The following PDE1C variants were observed in gnomAD, a reference collection of about 807,000 sequenced individuals.
The protein encoded by PDE1C is dual specificity calcium/calmodulin-dependent 3',5'-cyclic nucleotide phosphodiesterase 1C.
Under a neutral mutation model 93.1 loss-of-function variants are expected in PDE1C, and 62 were observed. That is an observed-to-expected ratio of 0.67 (90% CI 0.54 to 0.82). The LOEUF is 0.82. Among genes scored for constraint, PDE1C ranks in the 40% least tolerant of loss-of-function variants. The pLI is 0.00. For missense variants in PDE1C, 742 were observed against 884.6 expected (o/e 0.84, Z 2.04); for synonymous variants, 325 against 310.1 (o/e 1.05, Z -0.50).
chr7:32,097,534 A>T (rs1797814737), intron 3 of PDE1C, among the ~76,000 whole-genome samples: 1 of 152,218 alleles, frequency 6.6e-6, no homozygotes, highest in African/African-American at 2.4e-5. Context: ...AGGTCAGTAG[A>T]TCACGGCTCC....
At chr7:31,901,994 A>G (rs939495629) in intron 2 of PDE1C, among the ~76,000 whole-genome samples, 3 of 150,866 alleles carry the variant, frequency 2.0e-5, no homozygotes, top group Admixed American at 6.6e-5. Context: ...AATGTAGAAA[A>G]GTAAACTCAT....
At chr7:31,746,098 A>G in the PDE1C span, among the ~76,000 whole-genome samples, 3 of 152,210 alleles carry the variant, frequency 2.0e-5, no homozygotes, top group East Asian at 5.8e-4. Flanking sequence ...CATGTTGGCA[A>G]ACTTGTTCTT....
At chr7:31,830,106 AT>A (rs1790191206) in intron 11 of PDE1C, among the ~76,000 whole-genome samples, 1 of 152,126 alleles carries the variant, frequency 6.6e-6, no homozygotes, top group African/African-American at 2.4e-5. Context: ...CATGCTTTGT[AT>A]TTAATTGAGC....
chr7:32,048,160 T>C (rs959555111), intron 2 of PDE1C, among the ~76,000 whole-genome samples: 1 of 152,156 alleles, frequency 6.6e-6, no homozygotes, highest in Non-Finnish European at 1.5e-5. Context: ...CCAGAGAAGG[T>C]CTCAAGCAAG....
At chr7:32,315,209 A>G (rs1036155328) in intron 1 of PDE1C, among the ~76,000 whole-genome samples, 1 of 151,930 alleles carries the variant, frequency 6.6e-6, no homozygotes, top group Non-Finnish European at 1.5e-5. Context: ...CCAGTGAGTG[A>G]CAGAATAGCC....
chr7:31,964,624 G>A (rs548147896), intron 2 of PDE1C, among the ~76,000 whole-genome samples: 268 of 152,324 alleles, frequency 1.8e-3, no homozygotes, highest in African/African-American at 6.1e-3. Context: ...CTCCCAGCAC[G>A]CAGCTGGAGA....
intron 2 of PDE1C, among the ~76,000 whole-genome samples, chr7:32,006,466 A>G (rs1186920849): frequency 6.6e-6 from 1 of 152,204 alleles, no homozygotes; most frequent in Non-Finnish European, 1.5e-5. Context: ...CACAGGGGAA[A>G]TAAGCCATGG....
chr7:31,667,255 A>G, the PDE1C span, among the ~76,000 whole-genome samples: 1 of 152,184 alleles, frequency 6.6e-6, no homozygotes, highest in Non-Finnish European at 1.5e-5. Context: ...ATCTGAGGTG[A>G]CAGTGAATCT....
intron 2 of PDE1C, among the ~76,000 whole-genome samples, chr7:32,170,809 G>T (rs1267542161): frequency 2.0e-5 from 3 of 148,998 alleles, no homozygotes; most frequent in African/African-American, 7.3e-5. Flanking sequence ...TCCTTCCAGG[G>T]GTGTGCTTTT....
At chr7:31,680,422 G>T in the PDE1C span, among the ~76,000 whole-genome samples, 8 of 152,204 alleles carry the variant, frequency 5.3e-5, no homozygotes, top group Non-Finnish European at 1.0e-4. Flanking sequence ...GTGGAAGAAA[G>T]AATACTGACT....
chr7:32,118,588 G>A (rs1799118645), intron 3 of PDE1C, among the ~76,000 whole-genome samples: 1 of 152,194 alleles, frequency 6.6e-6, no homozygotes, highest in African/African-American at 2.4e-5. Flanking sequence ...CTGTTCTAGT[G>A]GTTGGGAAGC....
the PDE1C span, among the ~76,000 whole-genome samples, chr7:31,725,086 T>C: frequency 5.9e-5 from 9 of 152,120 alleles, no homozygotes; most frequent in South Asian, 1.4e-3. Context: ...CTGGGAAAAG[T>C]GTAAGCCTTG....
intron 15 of PDE1C, 137 bp from the exon 16 acceptor site, chr7:31,809,245 A>G: frequency 1.8e-6 from 1 of 554,558 alleles, no homozygotes; most frequent in East Asian, 2.9e-5. Context: ...GAGTGTAAAT[A>G]TCTTTTGTAA....
Position 32,360,198 on chromosome 7 carries a change from G to A in PDE1C, c.310+67624C>T, listed in dbSNP as rs73306157. On this transcript the variant is annotated intron_variant, in intron 1 of 1. Coordinates refer to the PDE1C transcript ENST00000672256. ...GGGGCTGACCAATCTGGAATGAAAAGAAACAATGAATGGGACATCTATGCT... is the reference window on the plus strand; with the variant it reads ...GGGGCTGACCAATCTGGAATGAAAAAAAACAATGAATGGGACATCTATGCT... Among the ~76,000 whole-genome samples, 1,377 of 152,286 alleles carry A rather than the reference G, an allele frequency of 9.0e-3. 28 individuals are homozygous for A. Among genetic ancestry groups the A allele is most frequent in the African/African-American group, 0.032 (1,320 of 41,534 alleles).
At position 32,174,702 on chromosome 7, in the gene PDE1C, TAAAAAGAAAA is replaced by T. The variant is rs1271943185; in HGVS notation, c.137-4756_137-4747del. 2.7e-5 allele frequency among the ~76,000 whole-genome samples: 4 copies of T among 150,862 alleles called. No individual in the cohort carries two copies. The East Asian group carries it at 7.7e-4, about 29-fold the overall frequency. ...ATTTAAGAATTTATCCTCCAAGCAA[TAAAAAGAAAA>T]AAAAAGAAAAGAAAGATTTTTGAGC... On this transcript the variant is annotated intron_variant, in intron 2 of 18. Transcript: ENST00000396193.
chr7:31,831,172 T>G (rs1313567668), intron 11 of PDE1C, among the ~76,000 whole-genome samples: 3 of 152,206 alleles, frequency 2.0e-5, no homozygotes, highest in Non-Finnish European at 4.4e-5. Context: ...GCAATGTATA[T>G]TCTTCTTTCC....
chr7:31,647,701 G>GGAA, the PDE1C span, among the ~76,000 whole-genome samples: 105,220 of 139,948 alleles, frequency 0.75, 39,906 homozygotes, highest in East Asian at 0.83. Context: ...AAAAAGAAGA[G>GGAA]GAAGAAGAAG....
intron 7 of PDE1C, 38 bp from the exon 8 acceptor site, chr7:31,850,779 C>G (rs1001838384): frequency 5.5e-6 from 8 of 1,461,950 alleles, no homozygotes; most frequent in Non-Finnish European, 6.7e-6. Context: ...TAATCTGTTT[C>G]TTTCTCAAAG....
At chr7:32,298,064 C>CTCT (rs1491127729) in intron 1 of PDE1C, among the ~76,000 whole-genome samples, 4 of 29,766 alleles carry the variant, frequency 1.3e-4, no homozygotes, top group Non-Finnish European at 2.4e-4. Context: ...CTCTCTCTCT[C>CTCT]CCCTCTCTCT....
Sources: gnomAD v4.1 joint callset for allele counts (sites outside exome capture counted in the v4.1 genomes callset) on GRCh38, gnomAD v4.1.1 for gene constraint, MANE v1.5 for transcripts, NCBI Gene and HGNC (gene_info 2026-07-23, HGNC 2026-07-21) for gene names.